GLDN: variants seen among roughly 807,000 people sequenced by gnomAD.
GLDN encodes gliomedin, also known as collomin.
Under a neutral mutation model 56.5 loss-of-function variants are expected in GLDN, and 47 were observed. The ratio of observed to expected loss-of-function variants is 0.83; its 90% CI spans 0.66 to 1.06. The LOEUF is 1.06. Among genes scored for constraint, GLDN ranks in the 50% least tolerant of loss-of-function variants. The pLI, the probability that GLDN is intolerant of heterozygous loss-of-function variation, is 0.00. For missense variants in GLDN, 782 were observed against 714.3 expected, an observed-to-expected ratio of 1.09 and a Z score of -1.08; for synonymous variants, 332 against 278.8, an observed-to-expected ratio of 1.19 and a Z score of -1.90.
chr15:51,387,118 T>G (rs2037913989), intron 4 of GLDN, among the ~76,000 whole-genome samples: 1 of 151,958 alleles, frequency 6.6e-6, no homozygotes, highest in African/African-American at 2.4e-5. Context: ...GTTTCAGCCC[T>G]GAGAAGCTCC....
intron 1 of GLDN, among the ~76,000 whole-genome samples, chr15:51,365,305 C>A (rs981998358): frequency 2.6e-5 from 4 of 151,856 alleles, no homozygotes; most frequent in African/African-American, 9.7e-5. Flanking sequence ...TTAATTGGAG[C>A]TTTTAATCTT....
intron 1 of GLDN, among the ~76,000 whole-genome samples, chr15:51,343,887 T>C (rs1446631790): frequency 6.6e-6 from 1 of 152,162 alleles, no homozygotes. Context: ...TCTGCTTTAT[T>C]AGAAGTCCTC....
At chr15:51,376,416 T>A (rs898935639) in intron 1 of GLDN, among the ~76,000 whole-genome samples, 1 of 152,216 alleles carries the variant, frequency 6.6e-6, no homozygotes, top group Admixed American at 6.5e-5. Context: ...GCTACAGAAC[T>A]GGGGTAGCTC....
At chr15:51,375,315 T>C (rs2037607675) in intron 1 of GLDN, among the ~76,000 whole-genome samples, 1 of 152,182 alleles carries the variant, frequency 6.6e-6, no homozygotes, top group Non-Finnish European at 1.5e-5. Flanking sequence ...CCCTCCATTT[T>C]CCCCTCACTT....
downstream of GLDN, among the ~76,000 whole-genome samples, chr15:51,412,631 T>C (rs540969626): frequency 6.6e-6 from 1 of 152,356 alleles, no homozygotes; most frequent in African/African-American, 2.4e-5. Context: ...TATTAATCTA[T>C]GGGTGTCATA....
chr15:51,388,167 C>T (rs2037940784), intron 4 of GLDN, among the ~76,000 whole-genome samples: 1 of 152,184 alleles, frequency 6.6e-6, no homozygotes, highest in Non-Finnish European at 1.5e-5. Flanking sequence ...TGTGTCTAGC[C>T]CCTGTCTCAC....
chr15:51,383,904 A>T lies in GLDN; in HGVS notation c.541+12A>T. The T allele has an allele frequency of 1.3e-6, 2 of 1,545,190 alleles. No homozygotes were observed. The highest frequency in any genetic ancestry group is 1.8e-6 in the Non-Finnish European group (2 of 1,126,990). ...AAGAGGAAAAATGGGTATTTTTGGC[A>T]ACTCTTCTAATTAATTTCCCTGTTA... On this transcript the variant is annotated intron_variant, in intron 4 of 9. Coordinates refer to ENST00000335449, the MANE Select transcript of GLDN (RefSeq NM_181789.4).
intron 2 of GLDN, among the ~76,000 whole-genome samples, chr15:51,380,168 C>G (rs2037726223): frequency 6.6e-6 from 1 of 152,150 alleles, no homozygotes; most frequent in Non-Finnish European, 1.5e-5. Flanking sequence ...CACCAAGCCC[C>G]CTGTGCATAC....
rs151157643 is a variant in GLDN, at chr15:51,394,485, C to T, written c.542-350C>T. Among the ~76,000 whole-genome samples, 376 of 152,246 alleles carry T rather than the reference C, an allele frequency of 2.5e-3. 7 individuals carry two copies. The highest frequency in any genetic ancestry group is 0.019 in the Admixed American group (294 of 15,280). On this transcript the variant is annotated intron_variant, in intron 4 of 9. Transcript: ENST00000335449. ...AAAATTAGATGGGTGTGGTGGCTCA[C>T]GCCTATAATCCCAGCTACTCCGGAG...
intron 1 of GLDN, among the ~76,000 whole-genome samples, chr15:51,342,305 C>T (rs1305796943): frequency 6.6e-6 from 1 of 152,212 alleles, no homozygotes; most frequent in Non-Finnish European, 1.5e-5. Flanking sequence ...CACATGTAAA[C>T]GAAGGGCGAA....
At chr15:51,396,545 A>G (rs1321179480) in intron 5 of GLDN, among the ~76,000 whole-genome samples, 2 of 152,234 alleles carry the variant, frequency 1.3e-5, no homozygotes, top group African/African-American at 4.8e-5. Flanking sequence ...TACTTTGGAG[A>G]TCACCTATAT....
At chr15:51,377,009 G>T (rs1484071211) in intron 1 of GLDN, among the ~76,000 whole-genome samples, 1 of 152,180 alleles carries the variant, frequency 6.6e-6, no homozygotes, top group Admixed American at 6.5e-5. Flanking sequence ...ATGTCAAGAT[G>T]TCAGCTGGAA....
chr15:51,396,960 G>A (rs558910606), intron 5 of GLDN, among the ~76,000 whole-genome samples: 1 of 151,884 alleles, frequency 6.6e-6, no homozygotes, highest in African/African-American at 2.4e-5. Context: ...CTTCTGTTAC[G>A]TAGGAAATCT....
chr15:51,387,553 CT>C (rs2037924711), intron 4 of GLDN, among the ~76,000 whole-genome samples: 2 of 152,140 alleles, frequency 1.3e-5, no homozygotes, highest in African/African-American at 4.8e-5. Context: ...GAGCAGCCAG[CT>C]CCCAGGATGG....
rs1595795357 is a variant in GLDN, at chr15:51,341,786, G to T, written c.102G>T (p.Thr34=). 5 of 1,500,390 alleles carry T rather than the reference G, an allele frequency of 3.3e-6. No homozygotes were observed. Among genetic ancestry groups the T allele is most frequent in the Non-Finnish European group, 4.4e-6 (5 of 1,134,188 alleles). The allele number at this position is 1,500,390 out of a possible 1,614,324, so 92.9% of individuals were successfully genotyped here. ...TCTCGGCGCTCAACGCTGCGGGCAC[G>T]GTGTTCGCGCTGTGCCAGTGGCGCG... ...ALLSALNAAG[T]VFALCQWRGL... is the part of the protein sequence containing the mutation. The change falls in exon 1 of 10, where the codon ACG becomes ACT. Residue 34 remains threonine (T), a synonymous_variant. Transcript: ENST00000335449.
intron 6 of GLDN, among the ~76,000 whole-genome samples, chr15:51,399,225 G>C (rs1363676954): frequency 6.6e-6 from 1 of 152,176 alleles, no homozygotes; most frequent in Non-Finnish European, 1.5e-5. Context: ...GGAAACACAG[G>C]CTTATCCAGC....
At chr15:51,379,823 T>C (rs1219859710) in intron 2 of GLDN, among the ~76,000 whole-genome samples, 2 of 152,108 alleles carry the variant, frequency 1.3e-5, no homozygotes, top group East Asian at 3.8e-4. Context: ...AAATGCAGGG[T>C]TTCTTGTCCA....
chr15:51,370,466 C>T (rs1330355038), intron 1 of GLDN, among the ~76,000 whole-genome samples: 3 of 152,204 alleles, frequency 2.0e-5, no homozygotes, highest in African/African-American at 7.2e-5. Context: ...ATTTGAAAAT[C>T]ACTGGACTTT....
At chr15:51,398,639 G>A (rs551025918) in intron 6 of GLDN, among the ~76,000 whole-genome samples, 5 of 152,326 alleles carry the variant, frequency 3.3e-5, no homozygotes, top group Admixed American at 2.0e-4. Context: ...CAAAATGGGC[G>A]AATCTGTGCT....
Sources: gnomAD v4.1 joint callset for allele counts (sites outside exome capture counted in the v4.1 genomes callset) on GRCh38, gnomAD v4.1.1 for gene constraint, MANE v1.5 for transcripts, NCBI Gene and HGNC (gene_info 2026-07-23, HGNC 2026-07-21) for gene names.